Variants in ROR2 observed in about 807,000 individuals in gnomAD.
The protein encoded by ROR2 is tyrosine-protein kinase transmembrane receptor ROR2.
A neutral mutation model predicts 74.9 loss-of-function variants in ROR2; 33 were observed. The observed-to-expected ratio is 0.44, with a 90% CI of 0.33 to 0.59. The LOEUF (loss-of-function observed/expected upper bound fraction) is 0.59, where lower values mean the gene tolerates loss of function less well. Among genes scored for constraint, ROR2 ranks in the 20% least tolerant of loss-of-function variants. ROR2 has a pLI of 0.02. For missense variants in ROR2, 1,216 were observed against 1,313.8 expected (o/e 0.93, Z 1.15); for synonymous variants, 586 against 558.7 (o/e 1.05, Z -0.69).
In ROR2 at chr9:91,724,734, A is replaced by G. The variant is rs775176676; in HGVS notation, c.1760T>C (p.Leu587Pro). ...TDDDRTVKSA[L>P]EPPDFVHLVA... ...AAGGTGCACGAAGTCGGGGGGCTCC[A>G]GGGCGGACTTCACCGTGCGGTCATC... The change falls in exon 9 of 9, where the codon CTG becomes CCG. Residue 587 changes from leucine to proline, a missense_variant. Coordinates refer to ENST00000375708, the MANE Select transcript of ROR2 (RefSeq NM_004560.4). 1 of 1,614,124 alleles carries G rather than the reference A, an allele frequency of 6.2e-7. No homozygotes were observed. The highest frequency in any genetic ancestry group is 1.1e-5 in the South Asian group (1 of 91,078).
At chr9:91,777,471 T>C (rs1326553058) in intron 1 of ROR2, among the ~76,000 whole-genome samples, 1 of 152,160 alleles carries the variant, frequency 6.6e-6, no homozygotes, top group East Asian at 1.9e-4. Flanking sequence ...ATAGGTAATT[T>C]AAATTTCTTT....
intron 4 of ROR2, among the ~76,000 whole-genome samples, chr9:91,740,102 T>C (rs1825168941): frequency 6.6e-6 from 1 of 152,194 alleles, no homozygotes; most frequent in South Asian, 2.1e-4. Context: ...TTCCCCCTGT[T>C]GCAGGCTTCT....
At chr9:91,927,666 C>T (rs565377502) in intron 1 of ROR2, among the ~76,000 whole-genome samples, 2 of 149,992 alleles carry the variant, frequency 1.3e-5, no homozygotes, top group East Asian at 2.0e-4. Flanking sequence ...CAGGTTCAAG[C>T]AATTCTCCTG....
At chr9:91,726,860 C>G (rs894799879) in intron 7 of ROR2, 117 bp from the exon 8 acceptor site, 2 of 922,088 alleles carry the variant, frequency 2.2e-6, no homozygotes, top group African/African-American at 3.2e-5. Flanking sequence ...GTGTCATCAC[C>G]TAAGTTACAC....
At chr9:91,900,994 T>C (rs891806392) in intron 1 of ROR2, among the ~76,000 whole-genome samples, 2 of 152,192 alleles carry the variant, frequency 1.3e-5, no homozygotes, top group Admixed American at 6.5e-5. Flanking sequence ...GGGTTTTTAA[T>C]GTGTACTACG....
intron 5 of ROR2, among the ~76,000 whole-genome samples, chr9:91,735,293 T>C (rs1256092855): frequency 1.3e-5 from 2 of 152,252 alleles, no homozygotes; most frequent in African/African-American, 2.4e-5. Flanking sequence ...CAGTCATTAC[T>C]ATGCTTATTT....
At chr9:91,835,930 C>T (rs931564670) in intron 1 of ROR2, among the ~76,000 whole-genome samples, 5 of 152,246 alleles carry the variant, frequency 3.3e-5, no homozygotes, top group African/African-American at 1.2e-4. Flanking sequence ...TAGGACAACG[C>T]TTTTGTGATC....
chr9:91,766,119 G>T (rs10992085), intron 2 of ROR2, among the ~76,000 whole-genome samples: 1 of 152,102 alleles, frequency 6.6e-6, no homozygotes, highest in Non-Finnish European at 1.5e-5. Context: ...CTGTGTCCAC[G>T]TCTTGGTGCC....
At chr9:91,862,787 AC>A (rs1829509591) in intron 1 of ROR2, among the ~76,000 whole-genome samples, 1 of 152,232 alleles carries the variant, frequency 6.6e-6, no homozygotes. Context: ...AGCATCCAGA[AC>A]TGTGAGAAAT....
At chr9:91,922,600 C>T (rs1173081031) in intron 1 of ROR2, among the ~76,000 whole-genome samples, 1 of 152,182 alleles carries the variant, frequency 6.6e-6, no homozygotes, top group African/African-American at 2.4e-5. Context: ...ACTACAGGCG[C>T]GTACCACCAT....
intron 1 of ROR2, among the ~76,000 whole-genome samples, chr9:91,947,357 G>C (rs1358421256): frequency 6.6e-6 from 1 of 152,226 alleles, no homozygotes; most frequent in Admixed American, 6.5e-5. Flanking sequence ...AAGTGGACAT[G>C]AGAGTTAAGC....
At chr9:91,897,084 G>A (rs1397507935) in intron 1 of ROR2, among the ~76,000 whole-genome samples, 1 of 152,248 alleles carries the variant, frequency 6.6e-6, no homozygotes, top group Non-Finnish European at 1.5e-5. Context: ...GGATGCACAC[G>A]TAGACCCCGT....
chr9:91,726,000 A>C (rs540422014), intron 8 of ROR2, among the ~76,000 whole-genome samples: 1 of 152,310 alleles, frequency 6.6e-6, no homozygotes, highest in Admixed American at 6.5e-5. Flanking sequence ...TTTACAACAC[A>C]ACCTGGAGAG....
At chr9:91,756,189 T>G in intron 3 of ROR2, 88 bp from the exon 4 acceptor site, 1 of 1,362,352 alleles carries the variant, frequency 7.3e-7, no homozygotes, top group African/African-American at 1.4e-5. Flanking sequence ...GCAAACAGGC[T>G]GAAGCCAGCG....
At chr9:91,904,061 G>GA (rs1830747038) in intron 1 of ROR2, among the ~76,000 whole-genome samples, 1 of 149,590 alleles carries the variant, frequency 6.7e-6, no homozygotes, top group Non-Finnish European at 1.5e-5. Context: ...TGGGGGGGGG[G>GA]ACAGAGTCTC....
intron 1 of ROR2, among the ~76,000 whole-genome samples, chr9:91,919,991 A>G (rs1006849928): frequency 6.6e-6 from 1 of 152,166 alleles, no homozygotes; most frequent in Non-Finnish European, 1.5e-5. Context: ...CTGCCCCACC[A>G]GGCTCCCTTG....
intron 5 of ROR2, among the ~76,000 whole-genome samples, chr9:91,736,988 G>A (rs1825050621): frequency 6.6e-6 from 1 of 152,204 alleles, no homozygotes; most frequent in Non-Finnish European, 1.5e-5. Flanking sequence ...GCTCAGAGAG[G>A]ATAGAAGAGT....
At chr9:91,797,114 G>T (rs1435483069) in intron 1 of ROR2, among the ~76,000 whole-genome samples, 1 of 88,030 alleles carries the variant, frequency 1.1e-5, no homozygotes, top group Admixed American at 1.0e-4. Flanking sequence ...CCTGGGCTCT[G>T]TGGGTGGGGC....
At position 91,723,639 on chromosome 9, in the gene ROR2, C is replaced by G. The variant is rs750698649; in HGVS notation, c.*23G>C. On this transcript the variant is annotated 3_prime_UTR_variant, in exon 9 of 9. Coordinates refer to ENST00000375708, the MANE Select transcript of ROR2 (RefSeq NM_004560.4). ...GGGGTCTCGGCGGGGCTTCTATCCC[C>G]GAACCCCGGGCCCTGGTGCCACTCA... The G allele has an allele frequency of 1.2e-6, 2 of 1,611,410 alleles. No homozygotes were observed. The highest frequency in any genetic ancestry group is 1.7e-6 in the Non-Finnish European group (2 of 1,179,218).
Sources: gnomAD v4.1 joint callset for allele counts (sites outside exome capture counted in the v4.1 genomes callset) on GRCh38, gnomAD v4.1.1 for gene constraint, MANE v1.5 for transcripts, NCBI Gene and HGNC (gene_info 2026-07-23, HGNC 2026-07-21) for gene names.